The following LCORL variants were observed in gnomAD, a reference collection of about 807,000 sequenced individuals.
LCORL encodes ligand dependent nuclear receptor corepressor like, also known as ligand-dependent nuclear receptor corepressor-like protein.
In LCORL, 41 loss-of-function variants were observed where a neutral mutation model predicts 141.8. The ratio of observed to expected loss-of-function variants is 0.29; its 90% CI spans 0.23 to 0.38. The LOEUF is 0.38. Among genes scored for constraint, LCORL ranks in the 10% least tolerant of loss-of-function variants. The probability of loss-of-function intolerance (pLI) is 1.00; values close to 1 mark genes in which losing one functional copy is unlikely to be tolerated. For synonymous variants in LCORL, 618 were observed against 694.1 expected (o/e 0.89, Z 1.72); for missense variants, 1,759 against 2,035.0 (o/e 0.86, Z 2.61).
At chr4:17,881,225 T>C (rs1263890423) in intron 6 of LCORL, 1 of 983,208 alleles carries the variant, frequency 1.0e-6, no homozygotes, top group Non-Finnish European at 1.2e-6. Flanking sequence ...AGGGTTGCTT[T>C]CACCTTCATT....
At chr4:17,883,645 C>T in intron 6 of LCORL, 1 of 1,436,136 alleles carries the variant, frequency 7.0e-7, no homozygotes, top group South Asian at 1.6e-5. Flanking sequence ...CACACAAATA[C>T]ACACCTGTGC....
At chr4:17,858,874 G>A (rs1724668095) in intron 7 of LCORL, among the ~76,000 whole-genome samples, 1 of 152,090 alleles carries the variant, frequency 6.6e-6, no homozygotes, top group South Asian at 2.1e-4. Context: ...TAATCAAACT[G>A]TTGATAACCA....
At position 18,021,065 on chromosome 4, in the gene LCORL, C is replaced by A. The variant is rs1725475722; in HGVS notation, c.154+533G>T. On this transcript the variant is annotated intron_variant, in intron 1 of 7. Transcript: ENST00000635767. The surrounding 1 kb of genome is among the most constrained non-coding windows in gnomAD (Gnocchi z 5.5). ...CGGCCCATCAGCGGCCCCCGCCCTG[C>A]GAGTGCCCGTGGGTCTCCAGGTCCA... is the stretch of plus-strand genomic sequence containing the variant. 6.6e-6 allele frequency among the ~76,000 whole-genome samples: 1 copy of A among 152,068 alleles called. No homozygotes were observed. The highest frequency in any genetic ancestry group is 6.5e-5 in the Admixed American group (1 of 15,270).
intron 4 of LCORL, among the ~76,000 whole-genome samples, chr4:17,958,711 G>A (rs754588911): frequency 2.0e-5 from 3 of 151,828 alleles, no homozygotes; most frequent in Admixed American, 6.6e-5. Context: ...TAATACTACC[G>A]AATATTCTGA....
chr4:17,882,384 A>G (rs1253220212), intron 6 of LCORL: 1 of 984,392 alleles, frequency 1.0e-6, no homozygotes, highest in Admixed American at 6.2e-5. Flanking sequence ...CATATGCTTT[A>G]TAACATTTTA....
intron 4 of LCORL, among the ~76,000 whole-genome samples, chr4:17,948,116 G>A (rs1434147676): frequency 1.3e-5 from 2 of 151,966 alleles, no homozygotes; most frequent in Admixed American, 6.6e-5. Context: ...TGATAAATAT[G>A]TGGAGGGTTA....
At chr4:17,956,510 G>A (rs1184622794) in intron 4 of LCORL, among the ~76,000 whole-genome samples, 2 of 152,044 alleles carry the variant, frequency 1.3e-5, no homozygotes, top group Non-Finnish European at 2.9e-5. Flanking sequence ...AAAATGGATG[G>A]AACTGGACAG....
intron 5 of LCORL, among the ~76,000 whole-genome samples, chr4:17,901,042 T>C (rs1020515712): frequency 6.6e-6 from 1 of 152,130 alleles, no homozygotes; most frequent in African/African-American, 2.4e-5. Flanking sequence ...ATTGCCGGAA[T>C]GTAGACAGAA....
intron 5 of LCORL, among the ~76,000 whole-genome samples, chr4:17,890,412 CA>C (rs1487654757): frequency 1.3e-5 from 2 of 151,918 alleles, no homozygotes; most frequent in Non-Finnish European, 2.9e-5. Context: ...CAAGGGTAAA[CA>C]AAAAGATCTA....
At chr4:17,860,554 C>A (rs1724882308) in intron 7 of LCORL, among the ~76,000 whole-genome samples, 1 of 152,296 alleles carries the variant, frequency 6.6e-6, no homozygotes, top group East Asian at 1.9e-4. Context: ...CACAGCTAAA[C>A]CATATCATTT....
chr4:17,866,903 G>T, intron 7 of LCORL: 1 of 636,742 alleles, frequency 1.6e-6, no homozygotes, highest in Non-Finnish European at 2.0e-6. Context: ...AGACCTTGAG[G>T]CAGGAATTTA....
At chr4:17,984,582 T>C (rs867424338) in intron 1 of LCORL, among the ~76,000 whole-genome samples, 4 of 152,156 alleles carry the variant, frequency 2.6e-5, no homozygotes, top group Non-Finnish European at 4.4e-5. Flanking sequence ...TTGTCTCTGA[T>C]GGTTATTTGT....
intron 1 of LCORL, among the ~76,000 whole-genome samples, chr4:17,975,729 T>C (rs2724473): frequency 0.44 from 66,534 of 152,006 alleles, 17,055 homozygotes; most frequent in Non-Finnish European, 0.58. Flanking sequence ...TTTGTGGTTG[T>C]AAAACATGTA....
chr4:17,954,504 A>G (rs1373432402), intron 4 of LCORL, among the ~76,000 whole-genome samples: 1 of 152,212 alleles, frequency 6.6e-6, no homozygotes, highest in African/African-American at 2.4e-5. Flanking sequence ...AAAGCCACTA[A>G]ATGTTTTTGG....
At chr4:17,876,854 C>A (rs1726976287) in exon 7 of LCORL, 3 of 1,230,536 alleles carry the variant, frequency 2.4e-6, no homozygotes, top group Non-Finnish European at 3.0e-6. Context: ...CATTAAAAGA[C>A]AAGTTAGTTT....
chr4:17,881,754 A>G, intron 6 of LCORL: 2 of 968,034 alleles, frequency 2.1e-6, no homozygotes, highest in Non-Finnish European at 2.5e-6. Flanking sequence ...TATGTAATGC[A>G]TTCAAAGCCC....
At chr4:17,986,941 G>A (rs190933591) in intron 1 of LCORL, among the ~76,000 whole-genome samples, 45 of 152,074 alleles carry the variant, frequency 3.0e-4, no homozygotes, top group Non-Finnish European at 1.0e-4. Context: ...ATGTACCACA[G>A]TTTAACCTTT....
At chr4:18,009,346 C>T (rs1028797831) in intron 1 of LCORL, among the ~76,000 whole-genome samples, 15 of 152,114 alleles carry the variant, frequency 9.9e-5, no homozygotes, top group African/African-American at 3.6e-4. Context: ...CGGACACCCT[C>T]CTCACCTCTC....
chr4:17,969,800 T>C (rs1278007476), intron 2 of LCORL, among the ~76,000 whole-genome samples: 1 of 152,096 alleles, frequency 6.6e-6, no homozygotes, highest in Non-Finnish European at 1.5e-5. Context: ...CTTAATTCAG[T>C]GCAAAACTAT....
Sources: gnomAD v4.1 joint callset for allele counts (sites outside exome capture counted in the v4.1 genomes callset) on GRCh38, gnomAD v4.1.1 for gene constraint, Gnocchi (gnomAD v3.1) non-coding constraint, MANE v1.5 for transcripts, NCBI Gene and HGNC (gene_info 2026-07-23, HGNC 2026-07-21) for gene names.